Variants in RALGPS2 observed in about 807,000 individuals in gnomAD.
RALGPS2 encodes the protein Ral GEF with PH domain and SH3 binding motif 2, also known as ras-specific guanine nucleotide-releasing factor RalGPS2.
RALGPS2 carries 43 observed loss-of-function variants against 86.8 expected under a neutral mutation model. The observed-to-expected ratio is 0.50, with a 90% confidence interval of 0.39 to 0.64. The LOEUF is 0.64. RALGPS2 is among the 30% of genes least tolerant of loss of function. RALGPS2 has a pLI of 0.00. For synonymous variants in RALGPS2, 243 were observed against 231.3 expected, an observed-to-expected ratio of 1.05 and a Z score of -0.46; for missense variants, 536 against 694.6, an observed-to-expected ratio of 0.77 and a Z score of 2.57.
chr1:178,844,603 A>C (rs1656777776), intron 8 of RALGPS2, among the ~76,000 whole-genome samples: 1 of 152,180 alleles, frequency 6.6e-6, no homozygotes, highest in African/African-American at 2.4e-5. Context: ...CTAGAGAGGA[A>C]TAGTTGGCAA....
intron 4 of RALGPS2, among the ~76,000 whole-genome samples, chr1:178,804,624 T>C (rs11802943): frequency 0.21 from 18,208 of 85,766 alleles, 1,966 homozygotes; most frequent in Non-Finnish European, 0.29. Flanking sequence ...TTTTTATGGC[T>C]GCATAGTATT....
chr1:178,841,282 C>T (rs1355020685), intron 8 of RALGPS2, among the ~76,000 whole-genome samples: 44 of 151,218 alleles, frequency 2.9e-4, no homozygotes, highest in African/African-American at 9.7e-4. Context: ...TCCAGCAGCA[C>T]ATCAAAAAGC....
intron 5 of RALGPS2, among the ~76,000 whole-genome samples, chr1:178,810,498 G>A (rs918707677): frequency 6.6e-6 from 1 of 151,328 alleles, no homozygotes; most frequent in Non-Finnish European, 1.5e-5. Flanking sequence ...TATTTGCTAA[G>A]GTTATTGTTA....
At chr1:178,900,271 G>C (rs927655624) in intron 17 of RALGPS2, among the ~76,000 whole-genome samples, 26 of 152,030 alleles carry the variant, frequency 1.7e-4, no homozygotes, top group Non-Finnish European at 3.2e-4. Flanking sequence ...CCTTATTTTA[G>C]TATTCTATAA....
Position 178,902,267 on chromosome 1 carries a change from T to C in RALGPS2, c.1630+56T>C. 3.0e-6 allele frequency: 4 copies of C among 1,319,500 alleles called. No homozygotes were observed. In the South Asian group the frequency reaches 4.7e-5, roughly 16 times the overall value. 81.7% of individuals were successfully genotyped at this position (1,319,500 alleles called of 1,614,324 possible). On this transcript the variant is annotated intron_variant, in intron 18 of 19. Transcript: ENST00000367635. ...TACTGCGTATGTGTTTGTGTATATG[T>C]ATGTATGTATGTGTGTGTGTATACT...
Position 178,867,187 on chromosome 1 carries a change from G to A in RALGPS2, c.608-10311G>A, listed in dbSNP as rs1180685171. ...AATAACAGTAATTAATATTTATTGAGTGCTTGTTCAGTGTTAGGCACTGTT... is the reference window on the plus strand; with the variant it reads ...AATAACAGTAATTAATATTTATTGAATGCTTGTTCAGTGTTAGGCACTGTT... On this transcript the variant is annotated intron_variant, in intron 8 of 19. Coordinates refer to ENST00000367635, the MANE Select transcript of RALGPS2 (RefSeq NM_152663.5). 3.9e-5 allele frequency among the ~76,000 whole-genome samples: 6 copies of A among 152,132 alleles called. No homozygotes were observed. The East Asian group carries it at 1.2e-3, about 29-fold the overall frequency.
chr1:178,893,662 C>G (rs12143627), intron 15 of RALGPS2, among the ~76,000 whole-genome samples: 1 of 151,686 alleles, frequency 6.6e-6, no homozygotes, highest in African/African-American at 2.4e-5. Flanking sequence ...TTACTGCATT[C>G]TTTCTAAATT....
chr1:178,900,403 T>G (rs1660117148), intron 17 of RALGPS2, among the ~76,000 whole-genome samples: 1 of 151,936 alleles, frequency 6.6e-6, no homozygotes, highest in Non-Finnish European at 1.5e-5. Flanking sequence ...ATTTAAAAGA[T>G]TGATGACATA....
chr1:178,805,105 AC>A (rs1654678606), intron 4 of RALGPS2, among the ~76,000 whole-genome samples: 1 of 151,440 alleles, frequency 6.6e-6, no homozygotes, highest in Non-Finnish European at 1.5e-5. Flanking sequence ...CATGTCCTTC[AC>A]CCATTTTTTG....
chr1:178,830,142 A>G (rs189393476), intron 7 of RALGPS2, among the ~76,000 whole-genome samples: 6 of 152,354 alleles, frequency 3.9e-5, no homozygotes, highest in African/African-American at 1.4e-4. Flanking sequence ...ATAGCTTGAT[A>G]ATAATTTCAT....
chr1:178,766,990 G>T (rs1288621845), intron 1 of RALGPS2, among the ~76,000 whole-genome samples: 1 of 152,006 alleles, frequency 6.6e-6, no homozygotes, highest in Non-Finnish European at 1.5e-5. Flanking sequence ...TTCTCATCTT[G>T]GTTGATTTTG....
chr1:178,873,794 G>A (rs1658875898), intron 8 of RALGPS2, among the ~76,000 whole-genome samples: 1 of 152,148 alleles, frequency 6.6e-6, no homozygotes, highest in African/African-American at 2.4e-5. Flanking sequence ...GCGTGGACAA[G>A]TCTTAGAAAC....
chr1:178,732,361 C>T (rs374057054), intron 1 of RALGPS2, among the ~76,000 whole-genome samples: 17 of 152,126 alleles, frequency 1.1e-4, no homozygotes, highest in South Asian at 8.3e-4. Flanking sequence ...TGCAGTGGCG[C>T]GATCTCGGCT....
chr1:178,828,275 G>A lies in RALGPS2; in HGVS notation c.481-5149G>A, dbSNP rs141530731. ...ATACTTTCGGAGAAATGTGTTGTTT[G>A]GTGATTTTGTTGTTCAGACATCATA... is the stretch of plus-strand genomic sequence containing the variant. On this transcript the variant is annotated intron_variant, in intron 7 of 19. Transcript: ENST00000367635. Among the ~76,000 whole-genome samples, 560 of 152,258 alleles carry A rather than the reference G, an allele frequency of 3.7e-3. 5 individuals carry two copies. The highest frequency in any genetic ancestry group is 0.012 in the African/African-American group (507 of 41,536).
chr1:178,864,645 A>G (rs1288293814), intron 8 of RALGPS2, among the ~76,000 whole-genome samples: 1 of 152,180 alleles, frequency 6.6e-6, no homozygotes, highest in Non-Finnish European at 1.5e-5. Flanking sequence ...TATGGTGCAC[A>G]GGAGTGGTTC....
rs1558187873 is a variant in RALGPS2 at position 178,921,415 on chromosome 1, G to A, written c.*5056G>A. The A allele has an allele frequency of 1.3e-5, 2 of 151,832 alleles. No individual in the cohort carries two copies. Among genetic ancestry groups the A allele is most frequent in the East Asian group, 3.9e-4 (2 of 5,174 alleles). The allele number at this position is 151,832 out of a possible 1,614,324, so 9.4% of individuals were successfully genotyped here. On this transcript the variant is annotated 3_prime_UTR_variant, in exon 20 of 20. Coordinates refer to ENST00000367635, the MANE Select transcript of RALGPS2 (RefSeq NM_152663.5). ...CAATAATTACTGACTTAATAGGTAT[G>A]GTAAAATAGCTGATAATAAGTCAGA...
chr1:178,848,890 A>G (rs1205774776), intron 8 of RALGPS2, among the ~76,000 whole-genome samples: 1 of 152,134 alleles, frequency 6.6e-6, no homozygotes, highest in Non-Finnish European at 1.5e-5. Context: ...TCGGCCTCCC[A>G]AAGTCTTGGG....
intron 1 of RALGPS2, among the ~76,000 whole-genome samples, chr1:178,733,283 A>G (rs1386779065): frequency 6.6e-6 from 1 of 152,244 alleles, no homozygotes; most frequent in Non-Finnish European, 1.5e-5. Flanking sequence ...AGGAAAAGGC[A>G]AGTAACACAC....
chr1:178,775,465 G>A (rs1349022042), intron 1 of RALGPS2, among the ~76,000 whole-genome samples: 1 of 152,134 alleles, frequency 6.6e-6, no homozygotes, highest in Admixed American at 6.5e-5. Flanking sequence ...GATCTTTAAA[G>A]TTGAAAAGGG....
Sources: allele counts gnomAD v4.1 joint callset (sites outside exome capture counted in the v4.1 genomes callset), GRCh38; gene constraint gnomAD v4.1.1; transcripts MANE v1.5; gene names NCBI Gene and HGNC (gene_info 2026-07-23, HGNC 2026-07-21).